The following SPRED1 variants were observed in gnomAD, a reference collection of about 807,000 sequenced individuals.
SPRED1 encodes the protein sprouty-related, EVH1 domain-containing protein 1.
A neutral mutation model predicts 52.3 loss-of-function variants in SPRED1; 18 were observed. The observed-to-expected ratio is 0.34, with a 90% CI of 0.24 to 0.51. SPRED1 has a LOEUF of 0.51. Among genes scored for constraint, SPRED1 ranks in the 20% least tolerant of loss-of-function variants. The pLI, the probability that SPRED1 is intolerant of heterozygous loss-of-function variation, is 0.97. For missense variants in SPRED1, 485 were observed against 551.0 expected (o/e 0.88, Z 1.20); for synonymous variants, 155 against 179.7 (o/e 0.86, Z 1.10).
intron 1 of SPRED1, among the ~76,000 whole-genome samples, chr15:38,273,150 A>G (rs779479967): frequency 2.6e-4 from 39 of 152,110 alleles, no homozygotes; most frequent in Non-Finnish European, 3.1e-4. Flanking sequence ...CGATTCTTAT[A>G]GTTTGTGGTG....
At chr15:38,320,526 A>C (rs769484839) in intron 2 of SPRED1, among the ~76,000 whole-genome samples, 7 of 152,154 alleles carry the variant, frequency 4.6e-5, no homozygotes, top group Non-Finnish European at 8.8e-5. Context: ...CCTGCAGAGT[A>C]GTGCAATTAC....
intron 1 of SPRED1, among the ~76,000 whole-genome samples, chr15:38,299,149 T>G (rs766826710): frequency 1.3e-5 from 2 of 152,214 alleles, no homozygotes; most frequent in Non-Finnish European, 2.9e-5. Flanking sequence ...TTTGTAGTCT[T>G]TTATTACAAG....
At chr15:38,345,302 C>T (rs141642518) in intron 5 of SPRED1, among the ~76,000 whole-genome samples, 1 of 152,318 alleles carries the variant, frequency 6.6e-6, no homozygotes, top group African/African-American at 2.4e-5. Flanking sequence ...CTGATTAACA[C>T]ATTCTCTACC....
At chr15:38,310,300 T>G (rs1401962771) in intron 2 of SPRED1, among the ~76,000 whole-genome samples, 1 of 151,938 alleles carries the variant, frequency 6.6e-6, no homozygotes, top group Non-Finnish European at 1.5e-5. Flanking sequence ...GCCACCACGC[T>G]CGCTAATTTT....
At chr15:38,290,309 A>T (rs1208572592) in intron 1 of SPRED1, among the ~76,000 whole-genome samples, 2 of 152,228 alleles carry the variant, frequency 1.3e-5, no homozygotes, top group Non-Finnish European at 2.9e-5. Context: ...GTAGTACCAG[A>T]AGGCAGGGGA....
Position 38,334,514 on chromosome 15 carries a change from C to T in SPRED1, c.424-5223C>T, listed in dbSNP as rs531332189. Among the ~76,000 whole-genome samples, 23 of 152,158 alleles carry T rather than the reference C, an allele frequency of 1.5e-4. No individual in the cohort carries two copies. In the East Asian group the frequency reaches 4.2e-3, roughly 28 times the overall value. On this transcript the variant is annotated intron_variant, in intron 4 of 6. Coordinates refer to ENST00000299084, the MANE Select transcript of SPRED1 (RefSeq NM_152594.3). The stretch of plus-strand genomic sequence containing the variant: ...TCCCCTGGTTCTAGCCTCAACTCCA[C>T]AGAACTATATTGATAGTTTCTGGTA...
chr15:38,334,480 A>C (rs183628762), intron 4 of SPRED1, among the ~76,000 whole-genome samples: 4 of 152,004 alleles, frequency 2.6e-5, no homozygotes, highest in African/African-American at 9.7e-5. Flanking sequence ...TGGAGAGAGA[A>C]CCCATGAATC....
At chr15:38,314,826 T>C (rs1895442201) in intron 2 of SPRED1, among the ~76,000 whole-genome samples, 2 of 151,932 alleles carry the variant, frequency 1.3e-5, no homozygotes, top group South Asian at 4.1e-4. Flanking sequence ...GATACCATTT[T>C]CTTTCCTTCT....
At chr15:38,271,529 A>T (rs1894434699) in intron 1 of SPRED1, among the ~76,000 whole-genome samples, 1 of 152,216 alleles carries the variant, frequency 6.6e-6, no homozygotes, top group South Asian at 2.1e-4. Flanking sequence ...ATAGAAACTA[A>T]CATTTTTGAA....
At chr15:38,266,743 G>C (rs1476095974) in intron 1 of SPRED1, among the ~76,000 whole-genome samples, 1 of 152,104 alleles carries the variant, frequency 6.6e-6, no homozygotes, top group African/African-American at 2.4e-5. Context: ...GGATGAGACA[G>C]ACTGGCTTCT....
At position 38,339,880 on chromosome 15, in the gene SPRED1, A is replaced by T. The variant is rs764990934; in HGVS notation, c.567A>T (p.Gln189His). The T allele has an allele frequency of 1.2e-6, 2 of 1,613,890 alleles. No individual in the cohort carries two copies. The highest frequency in any genetic ancestry group is 1.7e-6 in the Non-Finnish European group (2 of 1,179,892). ...TGAATGCCAGAAGAGTCTACATGCA[A>T]AGCCAAGCCAATCAGGTAAGAAGAT... ...EDLNARRVYM[Q>H]SQANQITFGQ... Residue 189 changes from glutamine (Q) to histidine (H), a missense_variant, in exon 5 of 7, where the codon CAA becomes CAT. Around this residue, in one of 5 missense-constraint regions of SPRED1, gnomAD observed 232 missense variants for 231.8 expected, o/e 1.00. Transcript: ENST00000299084.
intron 1 of SPRED1, among the ~76,000 whole-genome samples, chr15:38,288,415 A>G (rs71470551): frequency 6.6e-6 from 1 of 152,330 alleles, no homozygotes; most frequent in African/African-American, 2.4e-5. Context: ...TGGAGGACAG[A>G]CAATAAATAA....
At chr15:38,278,465 AC>A (rs1339959026) in intron 1 of SPRED1, among the ~76,000 whole-genome samples, 4 of 152,212 alleles carry the variant, frequency 2.6e-5, no homozygotes, top group Non-Finnish European at 5.9e-5. Flanking sequence ...CGTGGATGAC[AC>A]AGAGAGACCC....
At chr15:38,332,806 C>T (rs1895831159) in intron 4 of SPRED1, among the ~76,000 whole-genome samples, 3 of 152,148 alleles carry the variant, frequency 2.0e-5, no homozygotes, top group Admixed American at 1.3e-4. Flanking sequence ...CTAGCTGCTA[C>T]AGCAAAATGC....
At chr15:38,260,296 G>A (rs1388308235) in intron 1 of SPRED1, among the ~76,000 whole-genome samples, 13 of 152,172 alleles carry the variant, frequency 8.5e-5, no homozygotes, top group Non-Finnish European at 1.3e-4. Context: ...TCCTGAGCTT[G>A]GAGCTGCATA....
At chr15:38,277,345 C>A (rs1246757999) in intron 1 of SPRED1, among the ~76,000 whole-genome samples, 5 of 152,138 alleles carry the variant, frequency 3.3e-5, no homozygotes, top group African/African-American at 1.2e-4. Flanking sequence ...TTAGCTCCCA[C>A]TTATAAGTGA....
intron 4 of SPRED1, among the ~76,000 whole-genome samples, chr15:38,338,947 A>G (rs1332775684): frequency 6.6e-6 from 1 of 152,102 alleles, no homozygotes; most frequent in Non-Finnish European, 1.5e-5. Context: ...ATTACTCTGA[A>G]TTATTTTAGA....
At chr15:38,341,121 G>A (rs1343029447) in intron 5 of SPRED1, among the ~76,000 whole-genome samples, 2 of 147,772 alleles carry the variant, frequency 1.4e-5, no homozygotes, top group African/African-American at 5.0e-5. Flanking sequence ...CAGTAACTTT[G>A]TCTGTTTCAT....
At chr15:38,271,256 G>A (rs1894428477) in intron 1 of SPRED1, among the ~76,000 whole-genome samples, 1 of 152,206 alleles carries the variant, frequency 6.6e-6, no homozygotes, top group Non-Finnish European at 1.5e-5. Context: ...AAAGTCATGT[G>A]TATGCTGCAT....
Sources: allele counts gnomAD v4.1 joint callset (sites outside exome capture counted in the v4.1 genomes callset), GRCh38; gene constraint gnomAD v4.1.1; regional missense constraint gnomAD v4.1.1; transcripts MANE v1.5; gene names NCBI Gene and HGNC (gene_info 2026-07-23, HGNC 2026-07-21).